The following MSANTD4 variants were observed in gnomAD, a reference collection of about 807,000 sequenced individuals.
The protein encoded by MSANTD4 is myb/SANT-like DNA-binding domain-containing protein 4.
In MSANTD4, 13 loss-of-function variants were observed where a neutral mutation model predicts 34.3. That is an observed-to-expected ratio of 0.38 (90% CI 0.25 to 0.60). The LOEUF (loss-of-function observed/expected upper bound fraction) is 0.60. MSANTD4 is among the 20% of genes least tolerant of loss of function. The pLI is 0.63. For missense variants in MSANTD4, 358 were observed against 401.8 expected (o/e 0.89, Z 0.93); for synonymous variants, 137 against 145.2 (o/e 0.94, Z 0.41).
chr11:106,019,982 A>C (rs955892726), intron 1 of MSANTD4, among the ~76,000 whole-genome samples: 5 of 152,248 alleles, frequency 3.3e-5, no homozygotes, highest in African/African-American at 1.2e-4. Flanking sequence ...TAAAAGAGAT[A>C]AACCGATTAA....
chr11:106,021,461 A>C lies in MSANTD4; in HGVS notation c.-650T>G, dbSNP rs1025545414. The C allele has an allele frequency of 6.6e-6, 1 of 152,206 alleles. No individual in the cohort carries two copies. Among genetic ancestry groups the C allele is most frequent in the African/African-American group, 2.4e-5 (1 of 41,458 alleles). The allele number at this position is 152,206 out of a possible 1,614,324, so 9.4% of individuals were successfully genotyped here. On this transcript the variant is annotated 5_prime_UTR_variant, in exon 1 of 3. Transcript: ENST00000301919. ...TGAAGTTCCTAGATACTTCATGATA[A>C]GTCAGAATTAAGAAGTCTGAGAAAA...
rs538305619 is a variant in MSANTD4 at position 106,009,973 on chromosome 11, C to G, written c.600G>C (p.Glu200Asp). The G allele has an allele frequency of 1.4e-5, 22 of 1,611,602 alleles. No individual in the cohort carries two copies. The highest frequency in any genetic ancestry group is 1.8e-5 in the Non-Finnish European group (21 of 1,179,982). ...NSTPSRSAYD[E>D]PHLLVNIEKQ... ...TCTCAATATTTACGAGCAAATGAGGCTCATCATATGCAGATCTAGATGGTG... is the reference window on the plus strand; with the variant it reads ...TCTCAATATTTACGAGCAAATGAGGGTCATCATATGCAGATCTAGATGGTG... Residue 200 changes from glutamate (E) to aspartate (D), a missense_variant, in exon 3 of 3, where the codon GAG becomes GAC. Transcript: ENST00000301919.
intron 1 of MSANTD4, 61 bp from the exon 2 acceptor site, chr11:106,011,128 T>A (rs1859678087): frequency 2.6e-6 from 2 of 775,710 alleles, no homozygotes; most frequent in Non-Finnish European, 3.8e-6. Flanking sequence ...TACTTCAACC[T>A]AATGAACTAT....
At chr11:106,010,179 T>C in intron 2 of MSANTD4, 69 bp from the exon 3 acceptor site, 3 of 1,409,342 alleles carry the variant, frequency 2.1e-6, no homozygotes, top group Non-Finnish European at 2.8e-6. Flanking sequence ...TAAATATTTC[T>C]TAAAAGCTTT....
At chr11:106,016,364 A>G (rs147452311) in intron 1 of MSANTD4, among the ~76,000 whole-genome samples, 25 of 152,314 alleles carry the variant, frequency 1.6e-4, no homozygotes, top group Non-Finnish European at 2.8e-4. Context: ...ACCAGCCCCA[A>G]TATGCTGCTT....
In MSANTD4 at chr11:106,009,568, T is replaced by C. The variant is rs762221199; in HGVS notation, c.1005A>G (p.Arg335=). 1 of 1,604,112 alleles carries C rather than the reference T, an allele frequency of 6.2e-7. No homozygotes were observed. Among genetic ancestry groups the C allele is most frequent in the Non-Finnish European group, 8.5e-7 (1 of 1,174,880 alleles). The part of the protein sequence containing the change: ...EKERLQVEKD[R]LRIQKEGHLQ The stretch of plus-strand genomic sequence containing the variant: ...AGTGTCCTTCTTTCTGAATTCGAAG[T>C]CTGTCTTTCTCTACCTGTAAGCGTT... The change falls in exon 3 of 3, where the codon AGA becomes AGG. Residue 335 remains arginine, a synonymous_variant. Transcript: ENST00000301919.
chr11:106,016,349 A>C (rs1202723407), intron 1 of MSANTD4, among the ~76,000 whole-genome samples: 1 of 152,210 alleles, frequency 6.6e-6, no homozygotes, highest in East Asian at 1.9e-4. Context: ...TACACACATC[A>C]TTAAACCAGC....
At chr11:106,017,265 C>T (rs149638120) in intron 1 of MSANTD4, among the ~76,000 whole-genome samples, 4 of 152,296 alleles carry the variant, frequency 2.6e-5, no homozygotes, top group Non-Finnish European at 5.9e-5. Flanking sequence ...CACAGATCAA[C>T]TTAGGAACAT....
At chr11:106,010,150 T>G in intron 2 of MSANTD4, 40 bp from the exon 3 acceptor site, 1 of 1,479,278 alleles carries the variant, frequency 6.8e-7, no homozygotes, top group Non-Finnish European at 9.0e-7. Context: ...TATTGACTTC[T>G]ACTTTGTGGC....
chr11:106,009,551 T>G lies in MSANTD4; in HGVS notation c.1022A>C (p.Glu341Ala). 1 of 1,601,120 alleles carries G rather than the reference T, an allele frequency of 6.2e-7. No individual in the cohort carries two copies. Among genetic ancestry groups the G allele is most frequent in the Non-Finnish European group, 8.5e-7 (1 of 1,173,522 alleles). The change falls in exon 3 of 3, where the codon GAA (glutamate) becomes GCA (alanine). Residue 341 changes from glutamate (E) to alanine (A), a missense_variant. Transcript: ENST00000301919. ...CTGGAAAAATCACTGCAAGTGTCCTTCTTTCTGAATTCGAAGTCTGTCTTT... is the reference window on the plus strand; with the variant it reads ...CTGGAAAAATCACTGCAAGTGTCCTGCTTTCTGAATTCGAAGTCTGTCTTT... The part of the protein sequence containing the change: ...VEKDRLRIQK[E>A]GHLQ
At chr11:106,015,590 C>T (rs1179242589) in intron 1 of MSANTD4, among the ~76,000 whole-genome samples, 6 of 152,148 alleles carry the variant, frequency 3.9e-5, no homozygotes, top group Non-Finnish European at 2.9e-5. Context: ...CCCATGAGAG[C>T]TCTCAAGAAT....
chr11:106,012,975 A>C (rs1859739040), intron 1 of MSANTD4, among the ~76,000 whole-genome samples: 1 of 152,164 alleles, frequency 6.6e-6, no homozygotes, highest in Non-Finnish European at 1.5e-5. Flanking sequence ...TGAGTCAGGG[A>C]CTCGATTGTC....
chr11:106,020,737 T>A (rs1180732913), intron 1 of MSANTD4, among the ~76,000 whole-genome samples: 1 of 152,230 alleles, frequency 6.6e-6, no homozygotes, highest in African/African-American at 2.4e-5. Flanking sequence ...TATCCCGTTG[T>A]CCTGACTGAT....
At chr11:106,020,696 C>T (rs576452295) in intron 1 of MSANTD4, among the ~76,000 whole-genome samples, 15 of 152,302 alleles carry the variant, frequency 9.8e-5, no homozygotes, top group African/African-American at 3.4e-4. Flanking sequence ...ACCAACAATT[C>T]CTAACTCCAT....
rs577833655 is a variant in MSANTD4, at chr11:106,010,368, A to G, written c.462+88T>C. 57 of 1,501,022 alleles carry G rather than the reference A, an allele frequency of 3.8e-5. 1 individual carries two copies. The South Asian group carries it at 6.9e-4, about 18-fold the overall frequency. The allele number at this position is 1,501,022 out of a possible 1,614,324, so 93.0% of individuals were successfully genotyped here. Reference sequence around the variant, plus strand: ...GTACTATTTTTAAATAAGCTTGAAAATCTTGGAATGTGTTAACAGTTCCTG... The same window carrying G: ...GTACTATTTTTAAATAAGCTTGAAAGTCTTGGAATGTGTTAACAGTTCCTG... On this transcript the variant is annotated intron_variant, in intron 2 of 2. Transcript: ENST00000301919.
intron 1 of MSANTD4, among the ~76,000 whole-genome samples, chr11:106,019,080 C>G (rs972932723): frequency 6.6e-6 from 1 of 152,082 alleles, no homozygotes; most frequent in South Asian, 2.1e-4. Context: ...TATTGTAAAC[C>G]CTATCTGAAC....
chr11:106,011,572 T>C (rs934403270), intron 1 of MSANTD4, among the ~76,000 whole-genome samples: 19 of 152,278 alleles, frequency 1.2e-4, no homozygotes, highest in South Asian at 1.0e-3. Flanking sequence ...AGCATAAAAT[T>C]TGCAGGACTC....
intron 1 of MSANTD4, among the ~76,000 whole-genome samples, 166 bp downstream of exon 1, chr11:106,020,796 C>T (rs1011616133): frequency 3.9e-5 from 6 of 152,188 alleles, no homozygotes; most frequent in African/African-American, 1.4e-4. Flanking sequence ...GGCTTTAATA[C>T]ATTTTTAACC....
intron 1 of MSANTD4, among the ~76,000 whole-genome samples, chr11:106,013,737 C>G (rs1002106465): frequency 2.6e-5 from 4 of 152,170 alleles, no homozygotes; most frequent in African/African-American, 9.7e-5. Flanking sequence ...TGGTGCACAC[C>G]TATAATCCCA....
Sources: gnomAD v4.1 joint callset for allele counts (sites outside exome capture counted in the v4.1 genomes callset) on GRCh38, gnomAD v4.1.1 for gene constraint, MANE v1.5 for transcripts, NCBI Gene and HGNC (gene_info 2026-07-23, HGNC 2026-07-21) for gene names.